Variants in COL14A1 observed in about 807,000 individuals in gnomAD.
COL14A1 encodes collagen alpha-1(XIV) chain.
A neutral mutation model predicts 230.3 loss-of-function variants in COL14A1; 136 were observed. That is an observed-to-expected ratio of 0.59 (90% CI 0.51 to 0.68). The LOEUF (loss-of-function observed/expected upper bound fraction) is 0.68. Among genes scored for constraint, COL14A1 ranks in the 30% least tolerant of loss-of-function variants. The pLI, the probability that COL14A1 is intolerant of heterozygous loss-of-function variation, is 0.00. For synonymous variants in COL14A1, 792 were observed against 784.1 expected, an observed-to-expected ratio of 1.01 and a Z score of -0.17; for missense variants, 1,976 against 2,215.8, an observed-to-expected ratio of 0.89 and a Z score of 2.17.
intron 3 of COL14A1, 76 bp from the exon 4 acceptor site, chr8:120,162,350 C>T: frequency 8.1e-7 from 1 of 1,240,962 alleles, no homozygotes; most frequent in Non-Finnish European, 1.1e-6. Flanking sequence ...ACCATAATTG[C>T]TAACTAATAA....
intron 42 of COL14A1, among the ~76,000 whole-genome samples, chr8:120,340,933 A>C (rs1361695261): frequency 6.6e-6 from 1 of 152,232 alleles, no homozygotes; most frequent in East Asian, 1.9e-4. Flanking sequence ...GAAACAATTT[A>C]ACTATTCATC....
At chr8:120,248,964 C>T (rs1352193687) in intron 21 of COL14A1, among the ~76,000 whole-genome samples, 6 of 112,708 alleles carry the variant, frequency 5.3e-5, no homozygotes, top group Non-Finnish European at 8.2e-5. Flanking sequence ...CTCGCTCTGT[C>T]ACCCAGGCTG....
At chr8:120,286,163 A>ATT (rs369046341) in intron 33 of COL14A1, among the ~76,000 whole-genome samples, 193 bp downstream of exon 33, 364 of 145,892 alleles carry the variant, frequency 2.5e-3, no homozygotes, top group Non-Finnish European at 4.5e-3. Context: ...TGAAATGTGC[A>ATT]TTTTTTTTTT....
intron 45 of COL14A1, among the ~76,000 whole-genome samples, chr8:120,349,304 C>G (rs901106188): frequency 1.3e-5 from 2 of 148,790 alleles, no homozygotes; most frequent in Non-Finnish European, 3.0e-5. Flanking sequence ...AACAGAAAAA[C>G]TGGAAGCTCT....
At chr8:120,132,180 T>A (rs1037776944) in intron 1 of COL14A1, among the ~76,000 whole-genome samples, 9 of 152,154 alleles carry the variant, frequency 5.9e-5, no homozygotes, top group African/African-American at 1.7e-4. Context: ...AGGATTTTTT[T>A]ATAATGTTAG....
intron 42 of COL14A1, among the ~76,000 whole-genome samples, chr8:120,337,256 C>T (rs962627868): frequency 2.0e-5 from 3 of 151,456 alleles, no homozygotes; most frequent in East Asian, 1.9e-4. Context: ...ATTAGCTGGG[C>T]GTGGTGGTGG....
rs377112178 is a variant in COL14A1 at position 120,255,230 on chromosome 8, T to G, written c.2753-10T>G. 1.5e-5 allele frequency: 24 copies of G among 1,602,458 alleles called. No individual in the cohort carries two copies. The highest frequency in any genetic ancestry group is 2.1e-5 in the Non-Finnish European group (24 of 1,169,352). On this transcript the variant is annotated splice_polypyrimidine_tract_variant and intron_variant, in intron 22 of 47. Transcript: ENST00000297848. Reference sequence around the variant, plus strand: ...CGGTGTGATACAGTTATGTTTCTATTTCATTCCAGTGTTCTTGGGTGTTAC... The same window carrying G: ...CGGTGTGATACAGTTATGTTTCTATGTCATTCCAGTGTTCTTGGGTGTTAC...
At chr8:120,168,550 C>T (rs901764231) in intron 5 of COL14A1, among the ~76,000 whole-genome samples, 3 of 152,200 alleles carry the variant, frequency 2.0e-5, no homozygotes, top group Non-Finnish European at 2.9e-5. Context: ...GAGGCAGGAT[C>T]ACCCAGTGTA....
At chr8:120,276,396 A>G (rs571088942) in intron 26 of COL14A1, among the ~76,000 whole-genome samples, 23 of 148,964 alleles carry the variant, frequency 1.5e-4, no homozygotes, top group African/African-American at 5.2e-4. Flanking sequence ...TAAAAAAACT[A>G]CATACTAGAT....
chr8:120,260,378 G>A (rs963740812), intron 23 of COL14A1, among the ~76,000 whole-genome samples: 3 of 151,988 alleles, frequency 2.0e-5, no homozygotes, highest in Non-Finnish European at 4.4e-5. Flanking sequence ...GACAAAAATT[G>A]TGTAAAATTT....
intron 26 of COL14A1, among the ~76,000 whole-genome samples, chr8:120,273,317 A>G (rs1819732102): frequency 6.6e-6 from 1 of 151,774 alleles, no homozygotes; most frequent in African/African-American, 2.4e-5. Context: ...AATATATAGC[A>G]CTCAATGCCT....
intron 31 of COL14A1, among the ~76,000 whole-genome samples, chr8:120,282,844 A>C (rs538699429): frequency 9.9e-5 from 15 of 152,228 alleles, no homozygotes; most frequent in African/African-American, 2.6e-4. Flanking sequence ...GTGTTCCCTC[A>C]TGGAAGGGAA....
chr8:120,286,281 G>A (rs937241442), intron 33 of COL14A1, among the ~76,000 whole-genome samples: 5 of 152,044 alleles, frequency 3.3e-5, no homozygotes, highest in Admixed American at 6.6e-5. Flanking sequence ...CATTAGGTGC[G>A]ATGTAGAAAA....
intron 21 of COL14A1, among the ~76,000 whole-genome samples, chr8:120,249,711 A>C (rs140200563): frequency 6.6e-6 from 1 of 152,308 alleles, no homozygotes; most frequent in African/African-American, 2.4e-5. Flanking sequence ...CCTCTGCCCC[A>C]GAATAAATAA....
intron 22 of COL14A1, among the ~76,000 whole-genome samples, chr8:120,253,386 A>C (rs1313200770): frequency 6.6e-6 from 1 of 151,982 alleles, no homozygotes; most frequent in African/African-American, 2.4e-5. Flanking sequence ...TCCCTCTTCA[A>C]TTCTGTTTCC....
At chr8:120,367,086 G>A in intron 45 of COL14A1, 85 bp from the exon 46 acceptor site, 1 of 1,070,614 alleles carries the variant, frequency 9.3e-7, no homozygotes, top group Non-Finnish European at 1.3e-6. Context: ...CATCAGAGAA[G>A]CACTTTCGAA....
At chr8:120,365,549 TACTAA>T in intron 45 of COL14A1, among the ~76,000 whole-genome samples, 1 of 152,336 alleles carries the variant, frequency 6.6e-6, no homozygotes, top group Middle Eastern at 3.4e-3. Context: ...TCCGATTAGC[TACTAA>T]ACTAATGCCC....
intron 1 of COL14A1, among the ~76,000 whole-genome samples, chr8:120,137,297 A>T (rs1814747636): frequency 6.6e-6 from 1 of 152,058 alleles, no homozygotes; most frequent in South Asian, 2.1e-4. Flanking sequence ...TTAGTTTGTG[A>T]AGTAGGCAGT....
intron 36 of COL14A1, among the ~76,000 whole-genome samples, chr8:120,309,412 A>G (rs1202661211): frequency 6.6e-6 from 1 of 152,176 alleles, no homozygotes; most frequent in Admixed American, 6.5e-5. Context: ...ACATATGAAC[A>G]TATATACAGG....
Sources: gnomAD v4.1 joint callset for allele counts (sites outside exome capture counted in the v4.1 genomes callset) on GRCh38, gnomAD v4.1.1 for gene constraint, MANE v1.5 for transcripts, NCBI Gene and HGNC (gene_info 2026-07-23, HGNC 2026-07-21) for gene names.